KCNIP4: variants seen among roughly 807,000 people sequenced by gnomAD.
KCNIP4 encodes Kv channel-interacting protein 4.
A neutral mutation model predicts 34.0 loss-of-function variants in KCNIP4; 12 were observed. That is an observed-to-expected ratio of 0.35 (90% CI 0.23 to 0.57). The LOEUF is 0.57. KCNIP4 is among the 20% of genes least tolerant of loss of function. The pLI is 0.83. For synonymous variants in KCNIP4, 124 were observed against 102.2 expected, an observed-to-expected ratio of 1.21 and a Z score of -1.29; for missense variants, 238 against 311.7, an observed-to-expected ratio of 0.76 and a Z score of 1.78.
chr4:21,263,838 T>G (rs1202432433), intron 1 of KCNIP4, among the ~76,000 whole-genome samples: 2 of 151,996 alleles, frequency 1.3e-5, no homozygotes, highest in Non-Finnish European at 2.9e-5. Context: ...TTTTTTTTCT[T>G]TTTTTGGTAG....
intron 1 of KCNIP4, among the ~76,000 whole-genome samples, chr4:21,267,915 G>A (rs1761915225): frequency 6.6e-6 from 1 of 151,568 alleles, no homozygotes; most frequent in Admixed American, 6.6e-5. Context: ...AATAGTTTCA[G>A]AAGGAATGGT....
chr4:20,992,890 C>T (rs377647792), intron 1 of KCNIP4, among the ~76,000 whole-genome samples: 18 of 151,642 alleles, frequency 1.2e-4, no homozygotes, highest in East Asian at 5.9e-4. Context: ...CAGCCGGGCG[C>T]GGCGGTGGGC....
At chr4:21,065,347 C>T (rs1458648126) in intron 1 of KCNIP4, among the ~76,000 whole-genome samples, 2 of 152,072 alleles carry the variant, frequency 1.3e-5, no homozygotes, top group Admixed American at 1.3e-4. Context: ...ATTTGAGAAC[C>T]TAGATGTTGG....
intron 1 of KCNIP4, among the ~76,000 whole-genome samples, chr4:21,587,411 T>A: frequency 1.3e-5 from 2 of 152,150 alleles, no homozygotes; most frequent in Non-Finnish European, 2.9e-5. Flanking sequence ...ACTCTTTCTT[T>A]ACATCACTCC....
intron 3 of KCNIP4, among the ~76,000 whole-genome samples, chr4:20,802,478 C>A (rs1360629503): frequency 1.3e-5 from 2 of 151,894 alleles, no homozygotes; most frequent in Admixed American, 6.6e-5. Flanking sequence ...ATATAATGGA[C>A]TCAAATTGCA....
chr4:21,046,578 A>ATTTATTTATTTATTTATTTATTT (rs1742437294), intron 1 of KCNIP4, among the ~76,000 whole-genome samples: 1 of 117,870 alleles, frequency 8.5e-6, no homozygotes, highest in African/African-American at 2.9e-5. Flanking sequence ...GTTACTAGCT[A>ATTTATTTATTTATTTATTTATTT]ATTTATTTAT....
chr4:21,481,644 C>T (rs939065901), intron 1 of KCNIP4, among the ~76,000 whole-genome samples: 1 of 152,120 alleles, frequency 6.6e-6, no homozygotes, highest in Non-Finnish European at 1.5e-5. Flanking sequence ...AAAATTTGAG[C>T]TTGGCACTGG....
intron 1 of KCNIP4, among the ~76,000 whole-genome samples, chr4:21,230,576 C>T (rs931727576): frequency 2.0e-5 from 3 of 152,022 alleles, no homozygotes; most frequent in Non-Finnish European, 4.4e-5. Flanking sequence ...CCATGTGTTC[C>T]TATTGTTCAG....
intron 1 of KCNIP4, among the ~76,000 whole-genome samples, chr4:21,826,834 C>A (rs1722703233): frequency 1.3e-5 from 2 of 151,932 alleles, no homozygotes; most frequent in South Asian, 4.2e-4. Flanking sequence ...TAGAAAAGAT[C>A]ATGTTTTAGC....
intron 1 of KCNIP4, among the ~76,000 whole-genome samples, chr4:21,212,898 T>C (rs1757319749): frequency 6.6e-6 from 1 of 151,936 alleles, no homozygotes; most frequent in Admixed American, 6.6e-5. Flanking sequence ...TCTTGCTATG[T>C]GTAAGGCATA....
chr4:21,724,327 C>G lies in KCNIP4; in HGVS notation c.61+224244G>C, dbSNP rs993079718. Among the ~76,000 whole-genome samples the G allele has an allele frequency of 4.0e-5, 6 of 151,600 alleles. No individual in the cohort carries two copies. In the East Asian group the frequency reaches 1.2e-3, roughly 29 times the overall value. On this transcript the variant is annotated intron_variant, in intron 1 of 8. Transcript: ENST00000382152. Reference sequence around the variant, plus strand: ...TTCACCCACAAAATATTTTCTTGGCCTCTCTGAGTCTCAAAGCCATCTATA... The same window carrying G: ...TTCACCCACAAAATATTTTCTTGGCGTCTCTGAGTCTCAAAGCCATCTATA...
intron 1 of KCNIP4, among the ~76,000 whole-genome samples, chr4:21,940,623 C>T (rs1315502795): frequency 6.6e-6 from 1 of 152,086 alleles, no homozygotes; most frequent in African/African-American, 2.4e-5. Flanking sequence ...CTCATTTCAT[C>T]ATTACAGGAT....
chr4:21,014,933 T>TA (rs1285190626), intron 1 of KCNIP4, among the ~76,000 whole-genome samples: 1 of 152,154 alleles, frequency 6.6e-6, no homozygotes, highest in Non-Finnish European at 1.5e-5. Flanking sequence ...TATTTAGCCT[T>TA]AAAAAGGAAT....
intron 1 of KCNIP4, among the ~76,000 whole-genome samples, chr4:21,361,235 T>C (rs1719185182): frequency 6.6e-6 from 1 of 152,088 alleles, no homozygotes; most frequent in Non-Finnish European, 1.5e-5. Context: ...GTTAGCTGAT[T>C]GACTCATTTT....
chr4:20,822,433 G>A (rs1030662502), intron 3 of KCNIP4, among the ~76,000 whole-genome samples: 1 of 152,132 alleles, frequency 6.6e-6, no homozygotes, highest in African/African-American at 2.4e-5. Context: ...GATGTTGGTT[G>A]GTGAGGATTG....
chr4:21,412,670 G>GGC (rs1724609730), intron 1 of KCNIP4, among the ~76,000 whole-genome samples: 2 of 152,166 alleles, frequency 1.3e-5, no homozygotes, highest in Non-Finnish European at 2.9e-5. Context: ...ATGATATGTA[G>GGC]ATGCCTTTTA....
At chr4:20,812,325 G>T (rs1275478484) in intron 3 of KCNIP4, among the ~76,000 whole-genome samples, 1 of 152,122 alleles carries the variant, frequency 6.6e-6, no homozygotes, top group African/African-American at 2.4e-5. Flanking sequence ...AGACCAGGAG[G>T]GCAGGTGAGG....
intron 1 of KCNIP4, among the ~76,000 whole-genome samples, chr4:21,008,914 G>A (rs1431646166): frequency 6.6e-6 from 1 of 151,974 alleles, no homozygotes; most frequent in Non-Finnish European, 1.5e-5. Flanking sequence ...CAAGCACTTT[G>A]TTCTTAGACT....
chr4:21,663,909 C>T (rs1420125455), intron 1 of KCNIP4, among the ~76,000 whole-genome samples: 1 of 152,146 alleles, frequency 6.6e-6, no homozygotes, highest in Non-Finnish European at 1.5e-5. Flanking sequence ...AACTTCAGAG[C>T]TAGAATTCAA....
Sources: gnomAD v4.1 joint callset for allele counts (sites outside exome capture counted in the v4.1 genomes callset) on GRCh38, gnomAD v4.1.1 for gene constraint, MANE v1.5 for transcripts, NCBI Gene and HGNC (gene_info 2026-07-23, HGNC 2026-07-21) for gene names.